Variants in MTUS2 observed in about 807,000 individuals in gnomAD.
MTUS2 encodes the protein microtubule associated scaffold protein 2, also known as microtubule-associated tumor suppressor candidate 2.
Under a neutral mutation model 114.1 loss-of-function variants are expected in MTUS2, and 40 were observed. That is an observed-to-expected ratio of 0.35 (90% confidence interval 0.27 to 0.46). MTUS2 has a LOEUF of 0.46. Among genes scored for constraint, MTUS2 ranks in the 20% least tolerant of loss-of-function variants. The pLI is 1.00. For missense variants in MTUS2, 1,679 were observed against 1,705.4 expected (o/e 0.98, Z 0.27); for synonymous variants, 688 against 672.0 (o/e 1.02, Z -0.37).
In MTUS2 at chr13:29,198,184, G is replaced by T. The variant is rs535379333; in HGVS notation, c.2645-83520G>T. On this transcript the variant is annotated intron_variant, in intron 5 of 15. Transcript: ENST00000612955. ...ATGGTATTGCCTAGGTTTTCTTCTA[G>T]GTTCTTTTATGGGTTAAGGTCTTAG... 5.9e-5 allele frequency among the ~76,000 whole-genome samples: 9 copies of T among 152,232 alleles called. No homozygotes were observed. In the East Asian group the frequency reaches 1.7e-3, roughly 29 times the overall value.
intron 5 of MTUS2, among the ~76,000 whole-genome samples, chr13:29,121,731 A>ACCGCAACCTCCGCCTCC (rs1891318928): frequency 6.6e-6 from 1 of 150,868 alleles, no homozygotes; most frequent in South Asian, 2.1e-4. Flanking sequence ...ATCGCGGCTC[A>ACCGCAACCTCCGCCTCC]CCGCAACCTC....
At chr13:29,137,656 G>A (rs542276150) in intron 5 of MTUS2, among the ~76,000 whole-genome samples, 54 of 150,140 alleles carry the variant, frequency 3.6e-4, no homozygotes, top group South Asian at 1.1e-3. Flanking sequence ...TCACCCTGTC[G>A]CCCAGGCTGG....
intron 4 of MTUS2, among the ~76,000 whole-genome samples, chr13:29,049,760 G>A (rs964581305): frequency 5.3e-5 from 8 of 152,176 alleles, no homozygotes; most frequent in African/African-American, 1.9e-4. Flanking sequence ...AGTATCCACA[G>A]CCCTTGTGCT....
chr13:29,362,928 C>T (rs1388290021), intron 8 of MTUS2, among the ~76,000 whole-genome samples: 5 of 152,184 alleles, frequency 3.3e-5, no homozygotes, highest in African/African-American at 1.2e-4. Flanking sequence ...CTCAGCCCAG[C>T]GTCCAGGGAT....
chr13:28,865,273 G>T (rs190064881), intron 2 of MTUS2, among the ~76,000 whole-genome samples: 25 of 152,300 alleles, frequency 1.6e-4, no homozygotes, highest in Non-Finnish European at 2.9e-4. Flanking sequence ...AGATTGGGCT[G>T]CAGGTGGTAC....
chr13:29,207,106 T>C (rs908119512), intron 5 of MTUS2, among the ~76,000 whole-genome samples: 28 of 152,294 alleles, frequency 1.8e-4, no homozygotes, highest in African/African-American at 6.3e-4. Flanking sequence ...ATAGTTTTCT[T>C]TGTAGAGGTC....
chr13:29,097,581 G>T (rs567715404), intron 4 of MTUS2, among the ~76,000 whole-genome samples: 5 of 152,142 alleles, frequency 3.3e-5, no homozygotes, highest in Admixed American at 1.3e-4. Context: ...AGTTCCAGCC[G>T]TATAACAAAG....
intron 5 of MTUS2, chr13:29,242,770 C>T (rs1417685004): frequency 2.6e-5 from 4 of 152,202 alleles, no homozygotes; most frequent in Non-Finnish European, 5.9e-5. Context: ...CAACAGCTAA[C>T]ATTGTTGAGT....
At chr13:29,271,831 A>G (rs971202896) in intron 5 of MTUS2, among the ~76,000 whole-genome samples, 5 of 152,230 alleles carry the variant, frequency 3.3e-5, no homozygotes, top group Admixed American at 1.3e-4. Context: ...CAGTGCCTCA[A>G]ACATCAAGGG....
At chr13:28,843,266 A>ATTTTTTT (rs375072140) in intron 2 of MTUS2, among the ~76,000 whole-genome samples, 1 of 149,930 alleles carries the variant, frequency 6.7e-6, no homozygotes, top group Non-Finnish European at 1.5e-5. Context: ...CCTGAAGGTT[A>ATTTTTTT]TTTTTTTTTT....
chr13:29,106,387 C>T (rs142326829), intron 5 of MTUS2, among the ~76,000 whole-genome samples: 2 of 152,266 alleles, frequency 1.3e-5, no homozygotes, highest in East Asian at 1.9e-4. Flanking sequence ...TTTTTGGAGA[C>T]GGAGTCTTGC....
intron 10 of MTUS2, among the ~76,000 whole-genome samples, chr13:29,481,553 G>C (rs1205432893): frequency 6.6e-6 from 1 of 152,170 alleles, no homozygotes; most frequent in African/African-American, 2.4e-5. Context: ...ATTCAGGTTA[G>C]TGTCGAGTGG....
intron 4 of MTUS2, among the ~76,000 whole-genome samples, chr13:29,061,838 T>C (rs1240837663): frequency 1.3e-5 from 2 of 152,238 alleles, no homozygotes; most frequent in Non-Finnish European, 2.9e-5. Flanking sequence ...TATAAGTTAA[T>C]TCTTCATGTG....
At chr13:28,825,246 A>G (rs563331033) in intron 1 of MTUS2, among the ~76,000 whole-genome samples, 1 of 152,282 alleles carries the variant, frequency 6.6e-6, no homozygotes, top group Non-Finnish European at 1.5e-5. Flanking sequence ...ATGAGAGTGT[A>G]TGTTTTCAAT....
intron 11 of MTUS2, among the ~76,000 whole-genome samples, chr13:29,492,115 TGTG>T (rs1320694613): frequency 8.5e-6 from 1 of 117,772 alleles, no homozygotes; most frequent in African/African-American, 5.8e-5. Context: ...ATGTGTGTGG[TGTG>T]TGTGTGTATG....
chr13:29,252,081 G>A (rs1280916705), intron 5 of MTUS2, among the ~76,000 whole-genome samples: 1 of 152,154 alleles, frequency 6.6e-6, no homozygotes, highest in African/African-American at 2.4e-5. Context: ...CTCAAGCTTG[G>A]CATAGAAATA....
At chr13:29,189,398 A>T (rs148282365) in intron 5 of MTUS2, among the ~76,000 whole-genome samples, 2 of 152,274 alleles carry the variant, frequency 1.3e-5, no homozygotes, top group African/African-American at 2.4e-5. Flanking sequence ...ATATGCTCCC[A>T]TGCATTCTTA....
intron 5 of MTUS2, among the ~76,000 whole-genome samples, chr13:29,265,533 A>T (rs1325781914): frequency 6.6e-6 from 1 of 152,198 alleles, no homozygotes; most frequent in Non-Finnish European, 1.5e-5. Context: ...ATTCTTGTAT[A>T]ACCATGAAGA....
At chr13:29,021,806 A>G (rs1886302468) in intron 2 of MTUS2, among the ~76,000 whole-genome samples, 3 of 152,334 alleles carry the variant, frequency 2.0e-5, no homozygotes, top group South Asian at 2.1e-4. Flanking sequence ...AAAATTGAAT[A>G]AACAAAGACA....
Sources: gnomAD v4.1 joint callset for allele counts (sites outside exome capture counted in the v4.1 genomes callset) on GRCh38, gnomAD v4.1.1 for gene constraint, MANE v1.5 for transcripts, NCBI Gene and HGNC (gene_info 2026-07-23, HGNC 2026-07-21) for gene names.